FRAS1: variants seen among roughly 807,000 people sequenced by gnomAD.
FRAS1 encodes the protein extracellular matrix organizing protein FRAS1.
FRAS1 carries 290 observed loss-of-function variants against 435.2 expected under a neutral mutation model. The observed-to-expected ratio is 0.67, with a 90% CI of 0.61 to 0.73. The LOEUF is 0.73. Ranked by LOEUF, FRAS1 falls within the 30% of genes least tolerant of loss-of-function variation. The probability of loss-of-function intolerance (pLI) is 0.00; values close to 1 mark genes in which losing one functional copy is unlikely to be tolerated. For synonymous variants in FRAS1, 1,800 were observed against 1,851.0 expected, an observed-to-expected ratio of 0.97 and a Z score of 0.71; for missense variants, 4,860 against 5,001.5, an observed-to-expected ratio of 0.97 and a Z score of 0.85.
intron 2 of FRAS1, among the ~76,000 whole-genome samples, chr4:78,208,579 T>A (rs757925949): frequency 4.0e-5 from 6 of 151,872 alleles, no homozygotes; most frequent in Non-Finnish European, 8.8e-5. Flanking sequence ...ATAGCATAAA[T>A]AAAAAACAAT....
rs1189186784 is a variant in FRAS1, at chr4:78,540,752, G to C, written c.11667G>C (p.Glu3889Asp). 4 of 1,613,870 alleles carry C rather than the reference G, an allele frequency of 2.5e-6. No individual in the cohort carries two copies. The African/African-American group carries it at 4.0e-5, about 16-fold the overall frequency. ...CCAATATGAAGTCCCTGAATCTGGAGATGCAAGAGTTGGCGGTAGCTGCGT... is the reference window on the plus strand; with the variant it reads ...CCAATATGAAGTCCCTGAATCTGGACATGCAAGAGTTGGCGGTAGCTGCGT... ...NGTNMKSLNL[E>D]MQELAVAASL... Residue 3889 changes from glutamate (E) to aspartate (D), a missense_variant, in exon 74 of 74, where the codon GAG (glutamate) becomes GAC (aspartate). By Grantham distance (45) the Glu-to-Asp change is conservative (BLOSUM62 2). Coordinates refer to ENST00000512123, the MANE Select transcript of FRAS1 (RefSeq NM_025074.7).
chr4:78,500,793 C>T (rs1459228058), intron 61 of FRAS1, among the ~76,000 whole-genome samples: 3 of 152,160 alleles, frequency 2.0e-5, no homozygotes, highest in Non-Finnish European at 4.4e-5. Flanking sequence ...AGATGCCCTC[C>T]TTCCATATCT....
intron 29 of FRAS1, among the ~76,000 whole-genome samples, chr4:78,394,615 T>C (rs1732582252): frequency 6.6e-6 from 1 of 152,112 alleles, no homozygotes; most frequent in African/African-American, 2.4e-5. Context: ...TATAACTTTG[T>C]AATGTAATTT....
At position 78,438,628 on chromosome 4, in the gene FRAS1, G is replaced by A; in HGVS notation, c.5276G>A (p.Gly1759Asp). 3 of 1,613,660 alleles carry A rather than the reference G, an allele frequency of 1.9e-6. No individual in the cohort carries two copies. The highest frequency in any genetic ancestry group is 2.5e-6 in the Non-Finnish European group (3 of 1,179,640). Residue 1759 changes from glycine to aspartate, a missense_variant, in exon 39 of 74, where the codon GGT becomes GAT. Coordinates refer to ENST00000512123, the MANE Select transcript of FRAS1 (RefSeq NM_025074.7). ...CAGTTAAATTATCTGCCCTCATATG[G>A]TACTCTCTTAAGAATCTCAGGATCT... ...WIQLNYLPSYGTLLRISGSEV... is the reference protein window; with the variant it reads ...WIQLNYLPSYDTLLRISGSEV...
chr4:78,409,958 A>G (rs1241777852), intron 31 of FRAS1, among the ~76,000 whole-genome samples: 3 of 152,222 alleles, frequency 2.0e-5, no homozygotes, highest in Admixed American at 6.5e-5. Context: ...AAATTTGGAA[A>G]CCATTAAAAT....
At chr4:78,330,934 C>G (rs1473242022) in intron 18 of FRAS1, among the ~76,000 whole-genome samples, 2 of 152,148 alleles carry the variant, frequency 1.3e-5, no homozygotes, top group Non-Finnish European at 2.9e-5. Context: ...TTTGAAACTC[C>G]CTAATAAAAA....
intron 6 of FRAS1, among the ~76,000 whole-genome samples, chr4:78,260,393 T>C (rs1488522004): frequency 6.6e-6 from 1 of 152,214 alleles, no homozygotes; most frequent in African/African-American, 2.4e-5. Flanking sequence ...CAGTGGTTTG[T>C]AGTTCTCCTT....
At chr4:78,483,538 T>C (rs1720074959) in intron 58 of FRAS1, among the ~76,000 whole-genome samples, 1 of 151,954 alleles carries the variant, frequency 6.6e-6, no homozygotes, top group Admixed American at 6.6e-5. Context: ...AGCTGAGAAG[T>C]CCTCAAAAGA....
chr4:78,127,592 C>T (rs1399083805), intron 2 of FRAS1, among the ~76,000 whole-genome samples: 1 of 152,070 alleles, frequency 6.6e-6, no homozygotes, highest in Non-Finnish European at 1.5e-5. Flanking sequence ...GGATGACTTT[C>T]AGTTCTGGAC....
chr4:78,317,158 A>G (rs1014454809), intron 16 of FRAS1, among the ~76,000 whole-genome samples: 2 of 152,252 alleles, frequency 1.3e-5, no homozygotes, highest in Admixed American at 1.3e-4. Flanking sequence ...AAGGGTAGCT[A>G]ATAAGCAATA....
chr4:78,384,794 C>T (rs141862157), intron 28 of FRAS1, among the ~76,000 whole-genome samples: 367 of 150,764 alleles, frequency 2.4e-3, no homozygotes, highest in African/African-American at 8.6e-3. Flanking sequence ...ATAGTCCCAG[C>T]TACTTGGGGA....
chr4:78,108,955 A>AG (rs1742540914), intron 2 of FRAS1, among the ~76,000 whole-genome samples: 2 of 94,748 alleles, frequency 2.1e-5, no homozygotes, highest in South Asian at 7.0e-4. Flanking sequence ...CTACCATCAG[A>AG]GAATACTACA....
intron 2 of FRAS1, among the ~76,000 whole-genome samples, chr4:78,114,418 G>C (rs1222092159): frequency 2.0e-5 from 3 of 152,088 alleles, no homozygotes. Flanking sequence ...AATTACCTTG[G>C]GAAGTATGGC....
At chr4:78,465,564 G>A (rs1331734643) in intron 49 of FRAS1, among the ~76,000 whole-genome samples, 1 of 152,226 alleles carries the variant, frequency 6.6e-6, no homozygotes, top group African/African-American at 2.4e-5. Context: ...AAGGCACTGT[G>A]ATCAAGTGCA....
intron 6 of FRAS1, among the ~76,000 whole-genome samples, chr4:78,258,784 C>A (rs1209494311): frequency 3.5e-5 from 5 of 144,762 alleles, no homozygotes; most frequent in Non-Finnish European, 4.5e-5. Flanking sequence ...TATACATGTG[C>A]CATGCTGGTG....
intron 2 of FRAS1, among the ~76,000 whole-genome samples, chr4:78,192,706 A>T (rs1012495295): frequency 4.6e-5 from 7 of 151,668 alleles, no homozygotes; most frequent in Admixed American, 2.6e-4. Flanking sequence ...AGTTTTGTTG[A>T]TCTTTTCAAA....
chr4:78,480,323 G>A (rs903825530), intron 56 of FRAS1, among the ~76,000 whole-genome samples: 8 of 152,086 alleles, frequency 5.3e-5, no homozygotes, highest in Admixed American at 5.2e-4. Flanking sequence ...AATAAGCCAG[G>A]CACAGAAAGA....
rs372913883 is a variant in FRAS1 at position 78,419,761 on chromosome 4, G to C, written c.4540+698G>C. On this transcript the variant is annotated intron_variant, in intron 33 of 73. Transcript: ENST00000512123. Reference sequence around the variant, plus strand: ...ACAGGCTGTACAGGAAGCATGGATGGGGAGGCCTCAGGAAACTTACAATCA... The same window carrying C: ...ACAGGCTGTACAGGAAGCATGGATGCGGAGGCCTCAGGAAACTTACAATCA... Among the ~76,000 whole-genome samples the C allele has an allele frequency of 2.0e-5, 3 of 152,186 alleles. No individual in the cohort carries two copies. The East Asian group carries it at 5.8e-4, about 29-fold the overall frequency.
At chr4:78,520,871 A>T (rs1047943360) in intron 67 of FRAS1, among the ~76,000 whole-genome samples, 5 of 152,208 alleles carry the variant, frequency 3.3e-5, no homozygotes, top group African/African-American at 1.2e-4. Flanking sequence ...CTCATGGGAA[A>T]ATAACTTCAG....
Sources: gnomAD v4.1 joint callset for allele counts (sites outside exome capture counted in the v4.1 genomes callset) on GRCh38, gnomAD v4.1.1 for gene constraint, MANE v1.5 for transcripts, NCBI Gene and HGNC (gene_info 2026-07-23, HGNC 2026-07-21) for gene names.